EXOC4: variants seen among roughly 807,000 people sequenced by gnomAD.
EXOC4 encodes the protein exocyst complex component 4.
Under a neutral mutation model 107.2 loss-of-function variants are expected in EXOC4, and 71 were observed. The observed-to-expected ratio is 0.66, with a 90% CI of 0.55 to 0.81. The LOEUF (loss-of-function observed/expected upper bound fraction) is 0.81, where lower values mean the gene tolerates loss of function less well. Among genes scored for constraint, EXOC4 ranks in the 30% least tolerant of loss-of-function variants. EXOC4 has a pLI of 0.00. For missense variants in EXOC4, 1,108 were observed against 1,189.6 expected, an observed-to-expected ratio of 0.93 and a Z score of 1.01; for synonymous variants, 456 against 441.2, an observed-to-expected ratio of 1.03 and a Z score of -0.42.
chr7:133,689,088 C>T (rs896674705), intron 10 of EXOC4, among the ~76,000 whole-genome samples: 1 of 152,258 alleles, frequency 6.6e-6, no homozygotes, highest in East Asian at 1.9e-4. Context: ...GGTAGAATAA[C>T]CAACACACCC....
At chr7:134,067,149 C>CAAAAAA (rs10597442), downstream of EXOC4, among the ~76,000 whole-genome samples, 4 of 121,956 alleles carry the variant, frequency 3.3e-5, no homozygotes, top group African/African-American at 6.1e-5. Context: ...CACTCTGTCT[C>CAAAAAA]AAAAAAAAAA....
At chr7:133,755,222 G>A (rs1380405617) in intron 10 of EXOC4, among the ~76,000 whole-genome samples, 27 of 102,772 alleles carry the variant, frequency 2.6e-4, no homozygotes, top group Admixed American at 1.8e-3. Context: ...GTGTGTGTGT[G>A]TATATATATA....
chr7:134,019,710 G>GT (rs147000805), intron 17 of EXOC4, among the ~76,000 whole-genome samples: 2 of 152,298 alleles, frequency 1.3e-5, no homozygotes, highest in East Asian at 3.9e-4. Flanking sequence ...ACTACGTGAA[G>GT]TAAGGCTACC....
chr7:133,778,206 G>A (rs1001803783), intron 10 of EXOC4, among the ~76,000 whole-genome samples: 2 of 152,092 alleles, frequency 1.3e-5, no homozygotes, highest in Non-Finnish European at 2.9e-5. Context: ...TTATCTTAGG[G>A]GGGGTAATTA....
At chr7:133,404,816 C>T (rs1797174615) in intron 7 of EXOC4, among the ~76,000 whole-genome samples, 2 of 151,476 alleles carry the variant, frequency 1.3e-5, no homozygotes, top group Admixed American at 6.6e-5. Flanking sequence ...GCTTGAAGGC[C>T]AGGAATTCAA....
chr7:133,256,271 G>A (rs890412563), intron 1 of EXOC4, among the ~76,000 whole-genome samples: 3 of 152,294 alleles, frequency 2.0e-5, no homozygotes, highest in South Asian at 2.1e-4. Context: ...GTGAGCCACC[G>A]CGCCTGGTCT....
At chr7:133,870,465 T>C (rs1798728490) in intron 11 of EXOC4, among the ~76,000 whole-genome samples, 1 of 152,236 alleles carries the variant, frequency 6.6e-6, no homozygotes, top group African/African-American at 2.4e-5. Context: ...CAGAGCTGTC[T>C]GTGCAAATTT....
At chr7:133,671,920 A>AT (rs985901583) in intron 10 of EXOC4, among the ~76,000 whole-genome samples, 3 of 152,210 alleles carry the variant, frequency 2.0e-5, no homozygotes, top group Non-Finnish European at 2.9e-5. Flanking sequence ...TGACATCTCT[A>AT]TTAGATAGTC....
intron 9 of EXOC4, among the ~76,000 whole-genome samples, chr7:133,482,973 A>T (rs559645275): frequency 6.6e-6 from 1 of 151,682 alleles, no homozygotes; most frequent in African/African-American, 2.4e-5. Context: ...ACAAATACAC[A>T]CACATTCTGG....
intron 5 of EXOC4, among the ~76,000 whole-genome samples, chr7:133,319,532 C>T (rs865841484): frequency 3.9e-5 from 6 of 152,156 alleles, no homozygotes; most frequent in Middle Eastern, 6.8e-3. Flanking sequence ...TCTTGTGGCC[C>T]GAGCTGGAGT....
intron 11 of EXOC4, among the ~76,000 whole-genome samples, chr7:133,870,081 AAT>A (rs1437512469): frequency 1.3e-5 from 2 of 152,180 alleles, no homozygotes; most frequent in African/African-American, 4.8e-5. Context: ...TTATAAGTAA[AAT>A]TCTATACTGT....
intron 13 of EXOC4, among the ~76,000 whole-genome samples, chr7:133,927,421 A>G (rs927441312): frequency 6.6e-6 from 1 of 152,234 alleles, no homozygotes; most frequent in African/African-American, 2.4e-5. Context: ...GATTTTCAGA[A>G]AAGTTCCTGT....
At chr7:133,760,256 G>C (rs1021851661) in intron 10 of EXOC4, among the ~76,000 whole-genome samples, 2 of 152,126 alleles carry the variant, frequency 1.3e-5, no homozygotes, top group Admixed American at 1.3e-4. Flanking sequence ...AGAAAGTAAC[G>C]TTTTGAATGT....
At chr7:133,933,663 C>A (rs544945038) in intron 13 of EXOC4, among the ~76,000 whole-genome samples, 1 of 152,336 alleles carries the variant, frequency 6.6e-6, no homozygotes, top group East Asian at 1.9e-4. Flanking sequence ...AGCAGCCATT[C>A]TGGCTGCGAG....
chr7:133,861,414 G>C (rs371475482), intron 11 of EXOC4, among the ~76,000 whole-genome samples: 4 of 152,190 alleles, frequency 2.6e-5, no homozygotes, highest in African/African-American at 9.6e-5. Context: ...TAGAATAAAC[G>C]TTTAAGAAAT....
rs775369791 is a variant in EXOC4 at position 134,064,376 on chromosome 7, T to C, written c.2773T>C (p.Tyr925His). ...GGGTGTGAAGTACACGGAGCTGGAG[T>C]ACATCCACGCTCTGACCCTGCTGCA... Reference protein sequence around the residue: ...DQGVKYTELEYIHALTLLHRS... With the variant: ...DQGVKYTELEHIHALTLLHRS... The change falls in exon 18 of 18, where the codon TAC (tyrosine) becomes CAC (histidine). Residue 925 changes from tyrosine (Y) to histidine (H), a missense_variant. Transcript: ENST00000253861. The C allele has an allele frequency of 6.3e-7, 1 of 1,577,974 alleles. No individual in the cohort carries two copies. Among genetic ancestry groups the C allele is most frequent in the Non-Finnish European group, 8.6e-7 (1 of 1,159,438 alleles).
intron 3 of EXOC4, among the ~76,000 whole-genome samples, chr7:133,298,356 A>T (rs1236149963): frequency 6.6e-6 from 1 of 152,146 alleles, no homozygotes; most frequent in African/African-American, 2.4e-5. Context: ...AGTGATTCTG[A>T]GACCTCCTTT....
chr7:133,726,165 C>G (rs528569123), intron 10 of EXOC4, among the ~76,000 whole-genome samples: 1 of 152,046 alleles, frequency 6.6e-6, no homozygotes, highest in South Asian at 2.1e-4. Context: ...ATAAGATCTC[C>G]TAGAGAGAGA....
chr7:133,892,936 T>G (rs1585227847), intron 11 of EXOC4, among the ~76,000 whole-genome samples: 1 of 89,210 alleles, frequency 1.1e-5, no homozygotes. Flanking sequence ...TAGATGTCTA[T>G]TAGGTCTGCT....
Sources: gnomAD v4.1 joint callset for allele counts (sites outside exome capture counted in the v4.1 genomes callset) on GRCh38, gnomAD v4.1.1 for gene constraint, MANE v1.5 for transcripts, NCBI Gene and HGNC (gene_info 2026-07-23, HGNC 2026-07-21) for gene names.